CNR1: variants seen among roughly 807,000 people sequenced by gnomAD.
The protein encoded by CNR1 is cannabinoid receptor 1 (brain).
A neutral mutation model predicts 23.0 loss-of-function variants in CNR1; 10 were observed. The ratio of observed to expected loss-of-function variants is 0.43; its 90% CI spans 0.27 to 0.74. CNR1 has a LOEUF of 0.74. CNR1 is among the 30% of genes least tolerant of loss of function. The pLI is 0.19. For missense variants in CNR1, 422 were observed against 618.8 expected (o/e 0.68, Z 3.37); for synonymous variants, 271 against 255.2 (o/e 1.06, Z -0.59).
rs762988417 is a variant in CNR1 at position 88,144,624 on chromosome 6, G to A, written c.651C>T (p.Ser217=). ...TCTTATAGGCCAGGGGCCTGTGAAT[G>A]GATATGTACCTGTCGATGGCTGTGA... is the stretch of plus-strand genomic sequence containing the variant. ...LFLTAIDRYI[S]IHRPLAYKRI... is the part of the protein sequence containing the mutation. The change falls in exon 2 of 2, where the codon TCC becomes TCT. Residue 217 remains serine, a synonymous_variant. Transcript: ENST00000369501. The surrounding 1 kb of genome is among the most constrained non-coding windows in gnomAD (Gnocchi z 7.8). 1.2e-6 allele frequency: 2 copies of A among 1,614,242 alleles called. No individual in the cohort carries two copies. Among genetic ancestry groups the A allele is most frequent in the Non-Finnish European group, 1.7e-6 (2 of 1,180,042 alleles).
chr6:88,143,256 A>G lies in CNR1; in HGVS notation c.*600T>C, dbSNP rs1776928523. On this transcript the variant is annotated 3_prime_UTR_variant, in exon 2 of 2. Transcript: ENST00000369501. ...AATAGAGATATTTGAAGAAATATTA[A>G]GGTTTATTTCTAAAGTTATATCATG... 1 of 152,696 alleles carries G rather than the reference A, an allele frequency of 6.5e-6. No individual in the cohort carries two copies. Among genetic ancestry groups the G allele is most frequent in the African/African-American group, 2.4e-5 (1 of 41,472 alleles). The allele number at this position is 152,696 out of a possible 1,614,324, so 9.5% of individuals were successfully genotyped here.
At position 88,145,228 on chromosome 6, in the gene CNR1, A is replaced by C. The variant is rs1171369930; in HGVS notation, c.47T>G (p.Ile16Ser). The stretch of plus-strand genomic sequence containing the variant: ...GCCCACGTACAGGAGGTCAGTGGTG[A>C]TGGTGCGGAAGGTGGTATCTGCAAG... ...DGLADTTFRTITTDLLYVGSN... is the reference protein window; with the variant it reads ...DGLADTTFRTSTTDLLYVGSN... The change falls in exon 2 of 2, where the codon ATC (isoleucine) becomes AGC (serine). Residue 16 changes from isoleucine to serine, a missense_variant. By Grantham distance (142) the Ile-to-Ser change is moderately radical. Transcript: ENST00000369501. The C allele has an allele frequency of 2.8e-5, 45 of 1,613,958 alleles. No individual in the cohort carries two copies. The highest frequency in any genetic ancestry group is 3.8e-5 in the Non-Finnish European group (45 of 1,179,972).
intron 1 of CNR1, among the ~76,000 whole-genome samples, chr6:88,163,976 C>T (rs1317215081): frequency 6.6e-6 from 1 of 152,166 alleles, no homozygotes; most frequent in Non-Finnish European, 1.5e-5. Context: ...AATGTGAGAC[C>T]TGGTGTTCAT....
chr6:88,142,407 T>C lies in CNR1; in HGVS notation c.*1449A>G, dbSNP rs1776873251. The C allele has an allele frequency of 6.6e-6, 1 of 152,394 alleles. No homozygotes were observed. Among genetic ancestry groups the C allele is most frequent in the African/African-American group, 2.4e-5 (1 of 41,472 alleles). The allele number at this position is 152,394 out of a possible 1,614,324, so 9.4% of individuals were successfully genotyped here. A position where few individuals can be genotyped will look rare whatever the true frequency, so the allele number is the denominator to read the frequency against. ...TTCTGTAGAACTGTCTTCCTTTTAG[T>C]GACTGACATATTGCTCAATATTCGG... is the stretch of plus-strand genomic sequence containing the variant. On this transcript the variant is annotated 3_prime_UTR_variant, in exon 2 of 2. Transcript: ENST00000369501.
At chr6:88,160,164 C>T (rs994293776) in intron 1 of CNR1, among the ~76,000 whole-genome samples, 7 of 151,734 alleles carry the variant, frequency 4.6e-5, no homozygotes, top group South Asian at 2.1e-4. Context: ...CCCGTCTGCA[C>T]GAAAAATACA....
chr6:88,155,745 A>G lies in CNR1; in HGVS notation c.-64+10058T>C, dbSNP rs1237407503. Among the ~76,000 whole-genome samples the G allele has an allele frequency of 2.0e-5, 3 of 152,336 alleles. No individual in the cohort carries two copies. The East Asian group carries it at 5.8e-4, about 29-fold the overall frequency. On this transcript the variant is annotated intron_variant, in intron 1 of 1. Transcript: ENST00000369501. ...AGTATGCCAATTAACTATAAGGTAT[A>G]AATCCTAACTCTGCATTAGTACCTT...
At chr6:88,145,727 G>A (rs566199097) in intron 1 of CNR1, among the ~76,000 whole-genome samples, 1 of 152,312 alleles carries the variant, frequency 6.6e-6, no homozygotes, top group South Asian at 2.1e-4. Context: ...ACACACACAT[G>A]GTATCCCAGT....
chr6:88,145,476 G>C (rs1316523199), intron 1 of CNR1, 139 bp from the exon 2 acceptor site: 2 of 545,676 alleles, frequency 3.7e-6, no homozygotes, highest in African/African-American at 1.9e-5. Context: ...GTTCTCATCA[G>C]ATTCAGTCAA....
chr6:88,164,981 T>C (rs890745448), intron 1 of CNR1, among the ~76,000 whole-genome samples: 2 of 152,164 alleles, frequency 1.3e-5, no homozygotes, highest in Non-Finnish European at 2.9e-5. Flanking sequence ...AAGGCAAGAA[T>C]AGCACTTATT....
intron 1 of CNR1, among the ~76,000 whole-genome samples, chr6:88,150,344 A>C (rs1015135321): frequency 2.0e-5 from 3 of 152,144 alleles, no homozygotes; most frequent in Admixed American, 1.3e-4. Context: ...CCAGCCACCT[A>C]GTTTTTTTTC....
rs1778012948 is a variant in CNR1 at position 88,160,117 on chromosome 6, CAGG to C, written c.-64+5683_-64+5685del. Reference sequence around the variant, plus strand: ...CTGAGGCAGGCGGATCACTTGAGATCAGGAGTTCAAGACCAGCGTGGCCAACAT... The same window carrying C: ...CTGAGGCAGGCGGATCACTTGAGATCAGTTCAAGACCAGCGTGGCCAACAT... On this transcript the variant is annotated intron_variant, in intron 1 of 1. Coordinates refer to ENST00000369501, the MANE Select transcript of CNR1 (RefSeq NM_016083.6). 2.0e-5 allele frequency among the ~76,000 whole-genome samples: 3 copies of C among 152,108 alleles called. No individual in the cohort carries two copies. In the South Asian group the frequency reaches 6.2e-4, roughly 32 times the overall value.
rs768591630 is a variant in CNR1, at chr6:88,143,864, C to A, written c.1411G>T (p.Ala471Ser). Residue 471 changes from alanine (A) to serine (S), a missense_variant, in exon 2 of 2, where the codon GCT (alanine) becomes TCT (serine). By Grantham distance (99) the Ala-to-Ser change is moderately conservative. Coordinates refer to ENST00000369501, the MANE Select transcript of CNR1 (RefSeq NM_016083.6). ...CCAGGGAGGCATCAGGCTCACAGAG[C>A]CTCGGCAGACGTGTCTGTGGACACA... The part of the protein sequence containing the change: ...MSVSTDTSAE[A>S]L 2 of 1,612,726 alleles carry A rather than the reference C, an allele frequency of 1.2e-6. No homozygotes were observed. Among genetic ancestry groups the A allele is most frequent in the Non-Finnish European group, 1.7e-6 (2 of 1,178,898 alleles).
rs746172043 is a variant in CNR1, at chr6:88,144,741, G to A, written c.534C>T (p.His178=). ...TGCGGCTATCTTTGCGGTGGAACAC[G>A]TGGAAGTCAATGAAGCTGTAGACAA... is the stretch of plus-strand genomic sequence containing the variant. ...VIFVYSFIDF[H]VFHRKDSRNV... Residue 178 remains histidine (H), a synonymous_variant, in exon 2 of 2, where the codon CAC becomes CAT. Transcript: ENST00000369501. This position sits in a 1 kb window ranked among gnomAD's most constrained non-coding sequence, Gnocchi z 7.8. 1.2e-5 allele frequency: 19 copies of A among 1,614,080 alleles called. No individual in the cohort carries two copies. In the Admixed American group the frequency reaches 1.8e-4, roughly 16 times the overall value.
intron 1 of CNR1, among the ~76,000 whole-genome samples, chr6:88,156,449 C>T (rs1228018573): frequency 1.3e-5 from 2 of 152,176 alleles, no homozygotes; most frequent in Admixed American, 6.5e-5. Context: ...CCCTCCACCT[C>T]GAATACAGCC....
At chr6:88,158,956 G>A (rs1304688407) in intron 1 of CNR1, among the ~76,000 whole-genome samples, 1 of 152,008 alleles carries the variant, frequency 6.6e-6, no homozygotes. Context: ...TACAATCCAG[G>A]GCTTCTCTGG....
chr6:88,148,096 C>T (rs1257830456), intron 1 of CNR1, among the ~76,000 whole-genome samples: 1 of 152,208 alleles, frequency 6.6e-6, no homozygotes, highest in Admixed American at 6.5e-5. Context: ...TTGGGCTACA[C>T]CAGATGAATT....
intron 1 of CNR1, among the ~76,000 whole-genome samples, chr6:88,164,037 A>C (rs1778243024): frequency 6.6e-6 from 1 of 152,258 alleles, no homozygotes; most frequent in African/African-American, 2.4e-5. Flanking sequence ...GGCTTATTTA[A>C]GGTTCTAGTC....
Position 88,141,477 on chromosome 6 carries a change from A to C in CNR1, c.*2379T>G, listed in dbSNP as rs1286958646. On this transcript the variant is annotated 3_prime_UTR_variant, in exon 2 of 2. Transcript: ENST00000369501. ...CAAAAATGAATCGTGAAATTTTTCT[A>C]CCATAACAAGAATTTCTCTAGCTCT... The C allele has an allele frequency of 1.3e-5, 2 of 152,404 alleles. No homozygotes were observed. The highest frequency in any genetic ancestry group is 4.8e-5 in the African/African-American group (2 of 41,456). The allele number at this position is 152,404 out of a possible 1,614,324, so 9.4% of individuals were successfully genotyped here.
chr6:88,145,491 A>T, intron 1 of CNR1, 154 bp from the exon 2 acceptor site: 1 of 529,516 alleles, frequency 1.9e-6, no homozygotes, highest in Non-Finnish European at 3.3e-6. Flanking sequence ...AGTCAACAAA[A>T]TGAGTAAGTC....
Sources: gnomAD v4.1 joint callset for allele counts (sites outside exome capture counted in the v4.1 genomes callset) on GRCh38, gnomAD v4.1.1 for gene constraint, Gnocchi (gnomAD v3.1) non-coding constraint, MANE v1.5 for transcripts, NCBI Gene and HGNC (gene_info 2026-07-23, HGNC 2026-07-21) for gene names.